KCNH7: variants seen among roughly 807,000 people sequenced by gnomAD.
KCNH7 encodes potassium voltage-gated channel subfamily H member 7.
In KCNH7, 49 loss-of-function variants were observed where a neutral mutation model predicts 120.8. That is an observed-to-expected ratio of 0.41 (90% CI 0.32 to 0.51). The LOEUF (loss-of-function observed/expected upper bound fraction) is 0.51. Ranked by LOEUF, KCNH7 falls within the 20% of genes least tolerant of loss-of-function variation. The pLI is 0.38. For synonymous variants in KCNH7, 547 were observed against 516.1 expected, an observed-to-expected ratio of 1.06 and a Z score of -0.81; for missense variants, 1,097 against 1,446.6, an observed-to-expected ratio of 0.76 and a Z score of 3.92.
At chr2:162,528,378 G>A (rs183591729) in intron 3 of KCNH7, 25 of 152,046 alleles carry the variant, frequency 1.6e-4, no homozygotes, top group African/African-American at 5.1e-4. Context: ...TGTGACCAAC[G>A]TGGTAGTAGA....
chr2:162,601,399 C>CTTTTTTTTTTTTTTTTTTTTTTTTTTTT (rs60201823), intron 2 of KCNH7, among the ~76,000 whole-genome samples: 5 of 9,602 alleles, frequency 5.2e-4, no homozygotes, highest in Non-Finnish European at 6.6e-4. Context: ...ACTTCTTGTG[C>CTTTTTTTTTTTTTTTTTTTTTTTTTTTT]TTTTTTTTTT....
chr2:162,661,946 G>A (rs974858922), intron 2 of KCNH7, among the ~76,000 whole-genome samples: 2 of 151,806 alleles, frequency 1.3e-5, no homozygotes, highest in Non-Finnish European at 2.9e-5. Context: ...TCATATTATT[G>A]TTGTATGATG....
intron 2 of KCNH7, among the ~76,000 whole-genome samples, chr2:162,714,229 G>A (rs768554052): frequency 3.9e-5 from 6 of 152,168 alleles, no homozygotes; most frequent in Non-Finnish European, 8.8e-5. Context: ...GCCTCTGACA[G>A]GAAGGAGAAT....
chr2:162,706,133 C>G (rs1001479042), intron 2 of KCNH7, among the ~76,000 whole-genome samples: 21 of 152,074 alleles, frequency 1.4e-4, no homozygotes, highest in Admixed American at 1.4e-3. Context: ...ACTAAGGGAG[C>G]TGTGCTGGAG....
intron 7 of KCNH7, 76 bp downstream of exon 7, chr2:162,445,942 T>G: frequency 8.5e-7 from 1 of 1,170,188 alleles, no homozygotes; most frequent in Non-Finnish European, 1.2e-6. Flanking sequence ...AAAGCAACTC[T>G]TCTTTTTGCA....
In KCNH7 at chr2:162,755,667, C is replaced by T. The variant is rs1423410481; in HGVS notation, c.307+80870G>A. ...AACAAGTTGAAGGAAGTACAGTATACCTACTTTAAAGTATGATAACAATTT... is the reference window on the plus strand; with the variant it reads ...AACAAGTTGAAGGAAGTACAGTATATCTACTTTAAAGTATGATAACAATTT... On this transcript the variant is annotated intron_variant, in intron 2 of 15. Transcript: ENST00000332142. Among the ~76,000 whole-genome samples, 4 of 152,134 alleles carry T rather than the reference C, an allele frequency of 2.6e-5. No homozygotes were observed. The East Asian group carries it at 7.7e-4, about 29-fold the overall frequency.
intron 2 of KCNH7, among the ~76,000 whole-genome samples, chr2:162,673,004 G>T (rs1271532582): frequency 6.6e-6 from 1 of 151,888 alleles, no homozygotes; most frequent in African/African-American, 2.4e-5. Flanking sequence ...ATTGATTTAA[G>T]AATAAATGGA....
chr2:162,709,133 G>A (rs1686828987), intron 2 of KCNH7, among the ~76,000 whole-genome samples: 1 of 152,056 alleles, frequency 6.6e-6, no homozygotes, highest in South Asian at 2.1e-4. Context: ...CTGCAAAATA[G>A]AGACGGTATT....
intron 2 of KCNH7, among the ~76,000 whole-genome samples, chr2:162,687,301 T>C (rs750018508): frequency 8.5e-5 from 13 of 152,150 alleles, no homozygotes; most frequent in Non-Finnish European, 1.6e-4. Flanking sequence ...TAGTTCACAC[T>C]GGCTCTCAAG....
At chr2:162,524,274 G>C (rs754806242) in intron 3 of KCNH7, among the ~76,000 whole-genome samples, 8 of 152,012 alleles carry the variant, frequency 5.3e-5, no homozygotes, top group Non-Finnish European at 1.0e-4. Flanking sequence ...TTGAAGCCAG[G>C]GTACCTGGCC....
chr2:162,570,695 T>C (rs918847114), intron 2 of KCNH7, among the ~76,000 whole-genome samples: 15 of 152,104 alleles, frequency 9.9e-5, no homozygotes. Context: ...TGTTTAGTGC[T>C]TCCTTCAGGA....
At chr2:162,385,013 T>C in intron 12 of KCNH7, 74 bp from the exon 13 acceptor site, 1 of 1,137,778 alleles carries the variant, frequency 8.8e-7, no homozygotes, top group South Asian at 1.5e-5. Flanking sequence ...CATATTACAC[T>C]ACCTAGCTAT....
rs116590638 is a variant in KCNH7 at position 162,464,160 on chromosome 2, G to C, written c.1129-17717C>G. On this transcript the variant is annotated intron_variant, in intron 6 of 15. Coordinates refer to ENST00000332142, the MANE Select transcript of KCNH7 (RefSeq NM_033272.4). The stretch of plus-strand genomic sequence containing the variant: ...GCAAAGAAATAAATATGGCATTCTT[G>C]CTTATTTAAGAGACTTGATGTAGAA... Among the ~76,000 whole-genome samples the C allele has an allele frequency of 8.2e-3, 1,249 of 152,014 alleles. 22 individuals are homozygous for C. Among genetic ancestry groups the C allele is most frequent in the African/African-American group, 0.029 (1,192 of 41,510 alleles).
At chr2:162,380,606 T>C (rs549787949) in intron 13 of KCNH7, among the ~76,000 whole-genome samples, 2 of 152,308 alleles carry the variant, frequency 1.3e-5, no homozygotes, top group Admixed American at 6.5e-5. Flanking sequence ...TACTGTTTCA[T>C]GTTTTAATGC....
chr2:162,519,407 CA>C (rs1485426631), intron 3 of KCNH7, among the ~76,000 whole-genome samples: 3 of 151,420 alleles, frequency 2.0e-5, no homozygotes, highest in Admixed American at 6.6e-5. Context: ...TAATTTTCAT[CA>C]AAAAAACAAA....
At chr2:162,773,934 T>G (rs1285664842) in intron 2 of KCNH7, among the ~76,000 whole-genome samples, 1 of 152,216 alleles carries the variant, frequency 6.6e-6, no homozygotes, top group Non-Finnish European at 1.5e-5. Context: ...ATTGTGACAA[T>G]TTATTTTCAA....
chr2:162,752,183 G>T (rs1460128040), intron 2 of KCNH7, among the ~76,000 whole-genome samples: 1 of 152,092 alleles, frequency 6.6e-6, no homozygotes, highest in Non-Finnish European at 1.5e-5. Context: ...TTCAGACAGG[G>T]TCATACTTTG....
chr2:162,624,634 G>A (rs184094917), intron 2 of KCNH7, among the ~76,000 whole-genome samples: 6 of 151,932 alleles, frequency 3.9e-5, no homozygotes, highest in Non-Finnish European at 7.4e-5. Context: ...TAATAGACAC[G>A]TCCTTACTCA....
At chr2:162,512,573 G>T in intron 5 of KCNH7, 81 bp downstream of exon 5, 2 of 1,253,378 alleles carry the variant, frequency 1.6e-6, no homozygotes, top group South Asian at 2.4e-5. Flanking sequence ...GCACTGAACA[G>T]GGCATACAGC....
Sources: allele counts gnomAD v4.1 joint callset (sites outside exome capture counted in the v4.1 genomes callset), GRCh38; gene constraint gnomAD v4.1.1; transcripts MANE v1.5; gene names NCBI Gene and HGNC (gene_info 2026-07-23, HGNC 2026-07-21).